FNDC3A: variants seen among roughly 807,000 people sequenced by gnomAD.
FNDC3A encodes fibronectin type III domain containing 3A, also known as fibronectin type-III domain-containing protein 3A.
Under a neutral mutation model 148.9 loss-of-function variants are expected in FNDC3A, and 32 were observed. That is an observed-to-expected ratio of 0.21 (90% confidence interval 0.16 to 0.29). The LOEUF (loss-of-function observed/expected upper bound fraction) is 0.29, where lower values mean the gene tolerates loss of function less well. FNDC3A is among the 10% of genes least tolerant of loss of function. The pLI is 1.00. For missense variants in FNDC3A, 1,191 were observed against 1,452.8 expected (o/e 0.82, Z 2.93); for synonymous variants, 472 against 473.6 (o/e 1.00, Z 0.04).
At chr13:49,052,044 T>G (rs1490930099) in intron 2 of FNDC3A, among the ~76,000 whole-genome samples, 3 of 152,142 alleles carry the variant, frequency 2.0e-5, no homozygotes, top group African/African-American at 4.8e-5. Context: ...TTTATTCATA[T>G]TTATGCTATC....
chr13:49,119,834 A>G (rs1049643428), intron 4 of FNDC3A, among the ~76,000 whole-genome samples: 1 of 152,094 alleles, frequency 6.6e-6, no homozygotes, highest in Non-Finnish European at 1.5e-5. Context: ...GAAATATGGG[A>G]CTATGTGAAA....
chr13:49,187,169 G>A lies in FNDC3A; in HGVS notation c.1804G>A (p.Glu602Lys). The A allele has an allele frequency of 6.2e-7, 1 of 1,611,878 alleles. No individual in the cohort carries two copies. Among genetic ancestry groups the A allele is most frequent in the Non-Finnish European group, 8.5e-7 (1 of 1,178,268 alleles). Reference sequence around the variant, plus strand: ...AGCAACCATCAATAAATATGTAGTGGAGATGGCAGAAGGTTCTAACGGTAT... The same window carrying A: ...AGCAACCATCAATAAATATGTAGTGAAGATGGCAGAAGGTTCTAACGGTAT... Reference protein sequence around the residue: ...GGATINKYVVEMAEGSNGNKW... With the variant: ...GGATINKYVVKMAEGSNGNKW... The change falls in exon 16 of 26, where the codon GAG becomes AAG. Residue 602 changes from glutamate (E) to lysine (K), a missense_variant. By Grantham distance (56) the Glu-to-Lys change is moderately conservative. Around this residue, in one of 3 missense-constraint regions of FNDC3A, gnomAD observed 751 missense variants for 944.0 expected, o/e 0.80. Coordinates refer to ENST00000492622, the MANE Select transcript of FNDC3A (RefSeq NM_001079673.2).
At chr13:49,146,137 T>G (rs1882981989) in intron 8 of FNDC3A, 2 of 495,646 alleles carry the variant, frequency 4.0e-6, no homozygotes, top group Non-Finnish European at 7.1e-6. Flanking sequence ...GAATAATCAC[T>G]TTTATTGGCC....
intron 2 of FNDC3A, among the ~76,000 whole-genome samples, chr13:49,027,024 T>C (rs892061885): frequency 6.6e-6 from 1 of 152,094 alleles, no homozygotes; most frequent in Non-Finnish European, 1.5e-5. Flanking sequence ...ATAGTTTTTT[T>C]TTTAGAGAAA....
At chr13:49,094,512 G>T (rs1879397705) in intron 3 of FNDC3A, among the ~76,000 whole-genome samples, 1 of 151,934 alleles carries the variant, frequency 6.6e-6, no homozygotes. Context: ...ATATGGCCTG[G>T]GGGTTGCTTT....
At chr13:49,151,012 T>C (rs1883260029) in intron 8 of FNDC3A, among the ~76,000 whole-genome samples, 1 of 151,704 alleles carries the variant, frequency 6.6e-6, no homozygotes, top group African/African-American at 2.4e-5. Context: ...CCCTAAAGAA[T>C]GTTTCATGTT....
chr13:49,013,741 T>G, intron 2 of FNDC3A, among the ~76,000 whole-genome samples: 1 of 76,720 alleles, frequency 1.3e-5, no homozygotes, highest in African/African-American at 5.2e-5. Flanking sequence ...ATGCTATCCC[T>G]CCCCCCTCCC....
intron 2 of FNDC3A, among the ~76,000 whole-genome samples, chr13:49,018,561 C>G (rs1873018607): frequency 6.6e-6 from 1 of 152,298 alleles, no homozygotes; most frequent in African/African-American, 2.4e-5. Context: ...CCTCCCGTAG[C>G]TCGGAATAAT....
intron 7 of FNDC3A, 138 bp from the exon 8 acceptor site, chr13:49,145,640 C>A: frequency 1.5e-6 from 1 of 663,812 alleles, no homozygotes; most frequent in Non-Finnish European, 2.5e-6. Flanking sequence ...TTGCAATGGG[C>A]AGGTTTATAT....
intron 6 of FNDC3A, among the ~76,000 whole-genome samples, chr13:49,137,406 G>A (rs756833688): frequency 7.9e-5 from 12 of 152,256 alleles, no homozygotes; most frequent in African/African-American, 2.2e-4. Flanking sequence ...ATGCAGTGGC[G>A]CAATGTCAGC....
intron 16 of FNDC3A, chr13:49,187,639 G>A (rs1885652382): frequency 6.2e-7 from 1 of 1,601,180 alleles, no homozygotes; most frequent in African/African-American, 1.3e-5. Context: ...GACCACAGAG[G>A]TTGTGAACCT....
At chr13:48,997,050 C>T (rs991227456) in intron 1 of FNDC3A, among the ~76,000 whole-genome samples, 4 of 147,578 alleles carry the variant, frequency 2.7e-5, no homozygotes, top group East Asian at 2.0e-4. Flanking sequence ...GTAACAAGAG[C>T]GAGACTCCGT....
intron 2 of FNDC3A, among the ~76,000 whole-genome samples, chr13:49,056,917 C>T (rs1439643967): frequency 6.6e-6 from 1 of 152,118 alleles, no homozygotes; most frequent in Non-Finnish European, 1.5e-5. Context: ...AGGTCAAAAC[C>T]TACAGTTTGT....
chr13:49,158,825 G>C (rs1256128416), intron 8 of FNDC3A, among the ~76,000 whole-genome samples: 2 of 152,084 alleles, frequency 1.3e-5, no homozygotes, highest in East Asian at 1.9e-4. Flanking sequence ...TCCAGTTTCA[G>C]CTTTCTACAT....
chr13:49,191,412 A>C, intron 19 of FNDC3A, 28 bp downstream of exon 19: 1 of 1,519,366 alleles, frequency 6.6e-7, no homozygotes. Context: ...GTAGAATTAT[A>C]ATCACAATGG....
chr13:49,093,295 ATTGTCT>A (rs1315930631), intron 3 of FNDC3A, among the ~76,000 whole-genome samples: 1 of 152,166 alleles, frequency 6.6e-6, no homozygotes, highest in Non-Finnish European at 1.5e-5. Context: ...TAACAATAGA[ATTGTCT>A]TTATTTCAGC....
intron 5 of FNDC3A, among the ~76,000 whole-genome samples, chr13:49,134,918 G>A (rs917731336): frequency 1.0e-4 from 12 of 119,778 alleles, no homozygotes; most frequent in South Asian, 2.9e-4. Context: ...GCATGATCTC[G>A]GCTCACTGCA....
At chr13:49,187,321 A>G in intron 16 of FNDC3A, 131 bp downstream of exon 16, 1 of 878,038 alleles carries the variant, frequency 1.1e-6, no homozygotes, top group Non-Finnish European at 1.8e-6. Context: ...AAAGATGTTC[A>G]CTTCACTTTG....
chr13:49,134,615 T>C (rs988883461), intron 5 of FNDC3A, among the ~76,000 whole-genome samples: 9 of 152,028 alleles, frequency 5.9e-5, no homozygotes, highest in African/African-American at 2.2e-4. Context: ...TACACCATTT[T>C]ATATTCCTAC....
Sources: gnomAD v4.1 joint callset for allele counts (sites outside exome capture counted in the v4.1 genomes callset) on GRCh38, gnomAD v4.1.1 for gene constraint, gnomAD v4.1.1 regional missense constraint, MANE v1.5 for transcripts, NCBI Gene and HGNC (gene_info 2026-07-23, HGNC 2026-07-21) for gene names.